GALNT13: variants seen among roughly 807,000 people sequenced by gnomAD.
The protein encoded by GALNT13 is UDP-GalNAc:polypeptide N-acetylgalactosaminyltransferase 13.
Under a neutral mutation model 64.2 loss-of-function variants are expected in GALNT13, and 28 were observed. That is an observed-to-expected ratio of 0.44 (90% CI 0.32 to 0.60). The LOEUF (loss-of-function observed/expected upper bound fraction) is 0.60, where lower values mean the gene tolerates loss of function less well. Among genes scored for constraint, GALNT13 ranks in the 20% least tolerant of loss-of-function variants. The pLI is 0.05. For synonymous variants in GALNT13, 214 were observed against 224.6 expected (o/e 0.95, Z 0.42); for missense variants, 577 against 669.8 (o/e 0.86, Z 1.53).
At chr2:153,140,511 A>T in the GALNT13 span, among the ~76,000 whole-genome samples, 1 of 152,074 alleles carries the variant, frequency 6.6e-6, no homozygotes, top group African/African-American at 2.4e-5. Context: ...ATTCAAATTG[A>T]GCAGGACTAA....
intron 3 of GALNT13, among the ~76,000 whole-genome samples, chr2:153,996,200 A>C (rs1695512048): frequency 6.6e-6 from 1 of 152,154 alleles, no homozygotes; most frequent in Non-Finnish European, 1.5e-5. Flanking sequence ...CCAGTAATGA[A>C]ATTGCTGAAT....
At position 154,030,271 on chromosome 2, in the gene GALNT13, T is replaced by C. The variant is rs955383031; in HGVS notation, c.142+85632T>C. Among the ~76,000 whole-genome samples the C allele has an allele frequency of 2.6e-5, 4 of 151,764 alleles. 1 individual carries two copies. The East Asian group carries it at 5.8e-4, about 22-fold the overall frequency. On this transcript the variant is annotated intron_variant, in intron 3 of 12. Coordinates refer to ENST00000392825, the MANE Select transcript of GALNT13 (RefSeq NM_052917.4). ...ATATTCAAATTGCTAAACACCGAAG[T>C]TAAAAAGAAAATTTGGAAGACATCC...
chr2:153,790,934 T>C, the GALNT13 span, among the ~76,000 whole-genome samples: 8 of 152,202 alleles, frequency 5.3e-5, no homozygotes, highest in South Asian at 1.0e-3. Flanking sequence ...TACAAAACAC[T>C]GCTCAAAGAA....
chr2:153,583,609 C>T, the GALNT13 span, among the ~76,000 whole-genome samples: 8,330 of 152,152 alleles, frequency 0.055, 329 homozygotes, highest in African/African-American at 0.11. Flanking sequence ...ATCTGGGCCA[C>T]GGGATAGCAT....
the GALNT13 span, among the ~76,000 whole-genome samples, chr2:153,641,776 GA>G: frequency 6.6e-6 from 1 of 151,530 alleles, no homozygotes; most frequent in African/African-American, 2.4e-5. Context: ...ATTTTCCTTT[GA>G]TTATTTTTAA....
the GALNT13 span, among the ~76,000 whole-genome samples, chr2:153,690,109 T>C: frequency 6.6e-6 from 1 of 152,148 alleles, no homozygotes; most frequent in Non-Finnish European, 1.5e-5. Context: ...TCAGCAGTTG[T>C]ATTTTTCAAA....
At chr2:153,949,603 A>T (rs975268904) in intron 3 of GALNT13, among the ~76,000 whole-genome samples, 7 of 152,074 alleles carry the variant, frequency 4.6e-5, no homozygotes, top group Non-Finnish European at 8.8e-5. Context: ...AAGCAAAAAA[A>T]TACTAAAATT....
At chr2:154,153,597 C>A (rs922241045) in intron 4 of GALNT13, among the ~76,000 whole-genome samples, 10 of 152,226 alleles carry the variant, frequency 6.6e-5, no homozygotes, top group Admixed American at 6.5e-5. Context: ...TTTCGAGCTT[C>A]CTGGCTGCTT....
At chr2:153,135,923 T>C in the GALNT13 span, among the ~76,000 whole-genome samples, 1 of 152,068 alleles carries the variant, frequency 6.6e-6, no homozygotes, top group African/African-American at 2.4e-5. Context: ...AAAAATAACA[T>C]GAAGTACGAA....
chr2:154,109,401 T>TA (rs1276377240), intron 3 of GALNT13, among the ~76,000 whole-genome samples: 2 of 152,158 alleles, frequency 1.3e-5, no homozygotes, highest in Non-Finnish European at 2.9e-5. Context: ...TTCCTATACG[T>TA]AAGATCATGT....
intron 3 of GALNT13, among the ~76,000 whole-genome samples, chr2:154,079,108 G>A (rs1436472731): frequency 1.3e-5 from 2 of 151,628 alleles, no homozygotes; most frequent in Non-Finnish European, 3.0e-5. Flanking sequence ...GGAATTGTTT[G>A]TTGGCAGCTC....
At chr2:154,261,634 A>T (rs1038156546) in intron 8 of GALNT13, among the ~76,000 whole-genome samples, 12 of 152,166 alleles carry the variant, frequency 7.9e-5, no homozygotes, top group Middle Eastern at 3.2e-3. Flanking sequence ...TGAGCAAGTG[A>T]TATGTTTCCA....
At chr2:153,881,643 A>G (rs1199880378) in intron 1 of GALNT13, among the ~76,000 whole-genome samples, 1 of 152,204 alleles carries the variant, frequency 6.6e-6, no homozygotes, top group African/African-American at 2.4e-5. Context: ...GATAACATGT[A>G]TACATCATTT....
the GALNT13 span, among the ~76,000 whole-genome samples, chr2:153,577,074 A>T: frequency 6.6e-6 from 1 of 152,076 alleles, no homozygotes; most frequent in African/African-American, 2.4e-5. Flanking sequence ...AGGTCAAGAT[A>T]TTTCCCTGCT....
intron 3 of GALNT13, among the ~76,000 whole-genome samples, chr2:154,094,230 T>A (rs1701964575): frequency 6.6e-6 from 1 of 151,916 alleles, no homozygotes; most frequent in Admixed American, 6.6e-5. Flanking sequence ...GTTTCCAGGG[T>A]AGCAAAGTAT....
At chr2:154,053,751 A>G (rs1242802959) in intron 3 of GALNT13, among the ~76,000 whole-genome samples, 1 of 152,208 alleles carries the variant, frequency 6.6e-6, no homozygotes, top group Non-Finnish European at 1.5e-5. Context: ...AAATTTAAAG[A>G]AACTTATAGT....
chr2:153,271,986 TG>T, the GALNT13 span, among the ~76,000 whole-genome samples: 1 of 152,202 alleles, frequency 6.6e-6, no homozygotes, highest in Non-Finnish European at 1.5e-5. Context: ...ATCTGATCTT[TG>T]GCAAACATGA....
At chr2:154,416,458 C>A (rs1213460836) in intron 11 of GALNT13, among the ~76,000 whole-genome samples, 3 of 151,684 alleles carry the variant, frequency 2.0e-5, no homozygotes. Context: ...ATGCTATCAC[C>A]CTGGGGACTG....
At chr2:153,124,291 A>G in the GALNT13 span, among the ~76,000 whole-genome samples, 1 of 152,204 alleles carries the variant, frequency 6.6e-6, no homozygotes, top group Non-Finnish European at 1.5e-5. Flanking sequence ...GAGCCAGAGA[A>G]CTCGAGCTGT....
Sources: gnomAD v4.1 joint callset for allele counts (sites outside exome capture counted in the v4.1 genomes callset) on GRCh38, gnomAD v4.1.1 for gene constraint, MANE v1.5 for transcripts, NCBI Gene and HGNC (gene_info 2026-07-23, HGNC 2026-07-21) for gene names.